Variants in SMIM7 observed in about 807,000 individuals in gnomAD.
SMIM7 encodes UPF0608 protein C19orf42.
In SMIM7, 12 loss-of-function variants were observed where a neutral mutation model predicts 13.3. That is an observed-to-expected ratio of 0.90 (90% CI 0.58 to 1.46). The LOEUF (loss-of-function observed/expected upper bound fraction) is 1.46. Ranked by LOEUF, SMIM7 falls within the 40% of genes most tolerant of loss-of-function variation. The pLI is 0.00. For missense variants in SMIM7, 114 were observed against 94.8 expected (o/e 1.20, Z -0.84); for synonymous variants, 36 against 35.8 (o/e 1.01, Z -0.02).
In SMIM7 at chr19:16,660,112, G is replaced by T. The variant is rs548735234; in HGVS notation, c.-2C>A. Reference sequence around the variant, plus strand: ...GAACAGCAGGATGTCTCCGATCATCGTTACGGCCGAAGCGTCCGTCAGAAC... The same window carrying T: ...GAACAGCAGGATGTCTCCGATCATCTTTACGGCCGAAGCGTCCGTCAGAAC... On this transcript the variant is annotated 5_prime_UTR_variant, in exon 1 of 5. Transcript: ENST00000487416. 3.1e-6 allele frequency: 5 copies of T among 1,614,052 alleles called. No individual in the cohort carries two copies. Among genetic ancestry groups the T allele is most frequent in the Non-Finnish European group, 4.2e-6 (5 of 1,180,040 alleles).
At chr19:16,638,301 C>CTTTTTTTTTTTT (rs375558591) in intron 4 of SMIM7, among the ~76,000 whole-genome samples, 1 of 122,778 alleles carries the variant, frequency 8.1e-6, no homozygotes, top group Non-Finnish European at 1.7e-5. Context: ...TTTCTTTTTT[C>CTTTTTTTTTTTT]TTTTTTTTTT....
intron 3 of SMIM7, among the ~76,000 whole-genome samples, chr19:16,656,593 G>A (rs1041799663): frequency 4.6e-5 from 7 of 151,610 alleles, no homozygotes; most frequent in Non-Finnish European, 7.4e-5. Context: ...GGGGAAGGGT[G>A]GGAGGTAAAA....
At chr19:16,659,304 AGAG>A (rs757691476) in intron 3 of SMIM7, 88 bp downstream of exon 3, 31 of 1,003,570 alleles carry the variant, frequency 3.1e-5, no homozygotes, top group Middle Eastern at 2.2e-4. Flanking sequence ...AAAAAAAAAA[AGAG>A]AAAGAAAGAA....
At chr19:16,641,612 T>C (rs1028281483), downstream of SMIM7, among the ~76,000 whole-genome samples, 2 of 152,078 alleles carry the variant, frequency 1.3e-5, no homozygotes, top group African/African-American at 4.8e-5. Flanking sequence ...TACAACTTTT[T>C]CTTTTGGAGA....
At chr19:16,653,263 T>C (rs553608359) in intron 4 of SMIM7, among the ~76,000 whole-genome samples, 1 of 152,286 alleles carries the variant, frequency 6.6e-6, no homozygotes, top group East Asian at 1.9e-4. Context: ...CTTCAGATAC[T>C]GGTTCCCTCA....
chr19:16,636,311 T>C (rs2086360985), intron 4 of SMIM7: 1 of 152,170 alleles, frequency 6.6e-6, no homozygotes, highest in South Asian at 2.1e-4. Flanking sequence ...TGCGGACACA[T>C]TGATGCTAGC....
At chr19:16,644,138 T>G (rs2086427084), downstream of SMIM7, among the ~76,000 whole-genome samples, 1 of 147,424 alleles carries the variant, frequency 6.8e-6, no homozygotes, top group African/African-American at 2.6e-5. Flanking sequence ...TTTTTTTTTT[T>G]TTTTGAGATG....
chr19:16,659,514 G>T, intron 2 of SMIM7, 67 bp from the exon 3 acceptor site: 1 of 1,498,612 alleles, frequency 6.7e-7, no homozygotes, highest in Non-Finnish European at 9.1e-7. Context: ...CTGACCCCCA[G>T]CTCAGAAGGC....
intron 4 of SMIM7, chr19:16,653,062 C>T: frequency 7.5e-7 from 1 of 1,333,342 alleles, no homozygotes; most frequent in Non-Finnish European, 1.0e-6. Context: ...GTGTGCTGGA[C>T]ATTTAAACCA....
chr19:16,638,811 C>CAT (rs2086380287), intron 4 of SMIM7: 2 of 152,158 alleles, frequency 1.3e-5, no homozygotes, highest in Non-Finnish European at 2.9e-5. Context: ...GTTATAGGCC[C>CAT]ATATCAAGAC....
chr19:16,647,413 G>T, intron 4 of SMIM7, 152 bp from the exon 5 acceptor site: 1 of 843,220 alleles, frequency 1.2e-6, no homozygotes, highest in Non-Finnish European at 1.9e-6. Flanking sequence ...ATCCACCTGT[G>T]AATATAATTA....
At position 16,659,432 on chromosome 19, in the gene SMIM7, C is replaced by T. The variant is rs373832787; in HGVS notation, c.84G>A (p.Thr28=). The T allele has an allele frequency of 3.1e-6, 5 of 1,613,560 alleles. No individual in the cohort carries two copies. The highest frequency in any genetic ancestry group is 1.6e-4 in the Middle Eastern group (1 of 6,084). ...VLNFKLKKKD[T]QGFGEESREP... ...CCCTGGACTCCTCCCCAAAGCCCTGCGTGTCCTTCTTTTTCCTACAAAGAG... is the reference window on the plus strand; with the variant it reads ...CCCTGGACTCCTCCCCAAAGCCCTGTGTGTCCTTCTTTTTCCTACAAAGAG... The change falls in exon 3 of 5, where the codon ACG becomes ACA. Residue 28 remains threonine, a synonymous_variant. Transcript: ENST00000487416.
rs2086459484 is a variant in SMIM7 at position 16,647,182 on chromosome 19, C to CAGGAATGG, written c.*56_*63dup. On this transcript the variant is annotated 3_prime_UTR_variant, in exon 5 of 5. Coordinates refer to ENST00000487416, the MANE Select transcript of SMIM7 (RefSeq NM_024104.4). ...TGGTCAAAAACATTCTTGAAGTCAT[C>CAGGAATGG]AGGAATGGAGGAATGGAGACTCGGC... The CAGGAATGG allele has an allele frequency of 1.2e-6, 2 of 1,606,800 alleles. No individual in the cohort carries two copies. Among genetic ancestry groups the CAGGAATGG allele is most frequent in the African/African-American group, 1.3e-5 (1 of 74,690 alleles).
intron 4 of SMIM7, among the ~76,000 whole-genome samples, chr19:16,635,576 C>T (rs1023392342): frequency 1.3e-5 from 2 of 152,006 alleles, no homozygotes; most frequent in African/African-American, 4.8e-5. Context: ...TGTGCCCCAA[C>T]ACAGAAGGCA....
chr19:16,651,528 A>G (rs1599370899), intron 4 of SMIM7, among the ~76,000 whole-genome samples: 1 of 152,264 alleles, frequency 6.6e-6, no homozygotes, highest in Non-Finnish European at 1.5e-5. Flanking sequence ...CAGGTCTTGG[A>G]AAGTTGAGCT....
At position 16,648,146 on chromosome 19, in the gene SMIM7, CT is replaced by C. The variant is rs887873199; in HGVS notation, c.213-886del. On this transcript the variant is annotated intron_variant, in intron 4 of 4. Transcript: ENST00000487416. Reference sequence around the variant, plus strand: ...AACTCAACTTCATCACAGTTAAAAACTTTTTTTTTTTTGAGATGGACTCTCA... The same window carrying C: ...AACTCAACTTCATCACAGTTAAAAACTTTTTTTTTTTGAGATGGACTCTCA... Among the ~76,000 whole-genome samples the C allele has an allele frequency of 1.8e-3, 265 of 147,096 alleles. 1 individual carries two copies. Among genetic ancestry groups the C allele is most frequent in the African/African-American group, 4.8e-3 (195 of 40,458 alleles).
rs1161665167 is a variant in SMIM7, at chr19:16,655,280, G to A, written c.122-1155C>T. ...CCAAGGAACAGAAACCCCTCCGAGG[G>A]AAGGCAATTTAGTACGTGAAGACTC... is the stretch of plus-strand genomic sequence containing the variant. On this transcript the variant is annotated intron_variant, in intron 3 of 4. Coordinates refer to ENST00000487416, the MANE Select transcript of SMIM7 (RefSeq NM_024104.4). 1.1e-5 allele frequency: 5 copies of A among 455,672 alleles called. No individual in the cohort carries two copies. The East Asian group carries it at 2.8e-4, about 25-fold the overall frequency. 28.2% of individuals were successfully genotyped at this position (455,672 alleles called of 1,614,324 possible). A position where few individuals can be genotyped will look rare whatever the true frequency, so the allele number is the denominator to read the frequency against.
chr19:16,656,398 G>T (rs1476431416), intron 3 of SMIM7, among the ~76,000 whole-genome samples: 1 of 151,696 alleles, frequency 6.6e-6, no homozygotes, highest in Non-Finnish European at 1.5e-5. Context: ...AATAAAAAAA[G>T]GTTACTCATT....
Position 16,659,464 on chromosome 19 carries a change from A to G in SMIM7, c.69-17T>C. On this transcript the variant is annotated splice_polypyrimidine_tract_variant and intron_variant, in intron 2 of 4. Transcript: ENST00000487416. ...TTCTTTTTCCTACAAAGAGGAGCAG[A>G]CAGTGTCCACTTTCAATGGGACATA... The G allele has an allele frequency of 6.2e-7, 1 of 1,610,896 alleles. No homozygotes were observed. The highest frequency in any genetic ancestry group is 1.1e-5 in the South Asian group (1 of 90,198).
Sources: allele counts gnomAD v4.1 joint callset (sites outside exome capture counted in the v4.1 genomes callset), GRCh38; gene constraint gnomAD v4.1.1; transcripts MANE v1.5; gene names NCBI Gene and HGNC (gene_info 2026-07-23, HGNC 2026-07-21).